The following WWOX variants were observed in gnomAD, a reference collection of about 807,000 sequenced individuals.
WWOX encodes WW domain containing oxidoreductase, also known as WW domain-containing oxidoreductase.
Under a neutral mutation model 46.2 loss-of-function variants are expected in WWOX, and 69 were observed. The ratio of observed to expected loss-of-function variants is 1.49; its 90% confidence interval spans 1.23 to 1.82. The LOEUF (loss-of-function observed/expected upper bound fraction) is 1.82. WWOX is among the 40% of genes most tolerant of loss of function. The pLI, the probability that WWOX is intolerant of heterozygous loss-of-function variation, is 0.00. For synonymous variants in WWOX, 359 were observed against 202.6 expected, an observed-to-expected ratio of 1.77 and a Z score of -6.56; for missense variants, 919 against 542.6, an observed-to-expected ratio of 1.69 and a Z score of -6.89.
intron 5 of WWOX, among the ~76,000 whole-genome samples, chr16:78,301,209 A>G (rs1266457302): frequency 1.3e-5 from 2 of 152,218 alleles, no homozygotes; most frequent in East Asian, 3.8e-4. Context: ...CTAGTCCATA[A>G]CAAGATTTAC....
chr16:78,977,621 TAGA>T (rs560025514), intron 8 of WWOX, among the ~76,000 whole-genome samples: 1 of 152,024 alleles, frequency 6.6e-6, no homozygotes, highest in Non-Finnish European at 1.5e-5. Context: ...GGAGAGGAGA[TAGA>T]AGAAGGAAAA....
intron 8 of WWOX, among the ~76,000 whole-genome samples, chr16:78,681,505 C>A (rs1162729276): frequency 7.0e-6 from 1 of 142,350 alleles, no homozygotes; most frequent in Non-Finnish European, 1.5e-5. Flanking sequence ...ATTATGACTT[C>A]AAAAAACAGG....
intron 8 of WWOX, among the ~76,000 whole-genome samples, chr16:78,711,280 A>G (rs2048439540): frequency 1.3e-5 from 2 of 152,328 alleles, no homozygotes; most frequent in South Asian, 4.1e-4. Flanking sequence ...GTTAAAAAAT[A>G]TCACTTTCCC....
intron 8 of WWOX, among the ~76,000 whole-genome samples, chr16:78,815,570 A>G (rs1407168105): frequency 6.6e-6 from 1 of 152,126 alleles, no homozygotes; most frequent in Non-Finnish European, 1.5e-5. Flanking sequence ...TCCTTGCCCA[A>G]TGCGTAAGCT....
chr16:78,103,610 C>G (rs1013151701), intron 1 of WWOX, among the ~76,000 whole-genome samples: 12 of 152,094 alleles, frequency 7.9e-5, no homozygotes, highest in African/African-American at 2.9e-4. Context: ...CATCCTGGCC[C>G]TTCTTTTCTT....
chr16:79,185,490 A>G (rs1006069702), intron 8 of WWOX, among the ~76,000 whole-genome samples: 1 of 56,268 alleles, frequency 1.8e-5, no homozygotes, highest in South Asian at 9.9e-4. Flanking sequence ...GTTAAAGGAG[A>G]TGTGACACCT....
At chr16:78,946,517 G>T (rs1385838790) in intron 8 of WWOX, among the ~76,000 whole-genome samples, 1 of 152,028 alleles carries the variant, frequency 6.6e-6, no homozygotes, top group Non-Finnish European at 1.5e-5. Flanking sequence ...AAATAGTCAA[G>T]AAGTTTCTAG....
In WWOX at chr16:79,001,567, T is replaced by A. The variant is rs144268165; in HGVS notation, c.1057-210041T>A. On this transcript the variant is annotated intron_variant, in intron 8 of 8. Transcript: ENST00000566780. ...AGATTATCCTCTCAGTTGGATTTATTTTAAACAAGTTTTGCCCCTTATACA... is the reference window on the plus strand; with the variant it reads ...AGATTATCCTCTCAGTTGGATTTATATTAAACAAGTTTTGCCCCTTATACA... 4.5e-3 allele frequency among the ~76,000 whole-genome samples: 681 copies of A among 152,284 alleles called. 8 individuals carry two copies. The highest frequency in any genetic ancestry group is 0.015 in the African/African-American group (631 of 41,546).
chr16:78,671,876 A>G (rs1217938994), intron 8 of WWOX, among the ~76,000 whole-genome samples: 4 of 152,240 alleles, frequency 2.6e-5, no homozygotes, highest in African/African-American at 9.6e-5. Flanking sequence ...CATCTTAAAA[A>G]GTGGTGAGGT....
At chr16:79,151,902 T>C (rs1181025622) in intron 8 of WWOX, among the ~76,000 whole-genome samples, 1 of 152,210 alleles carries the variant, frequency 6.6e-6, no homozygotes. Flanking sequence ...TCTTTTTTTG[T>C]TGTTTTAGCC....
intron 5 of WWOX, among the ~76,000 whole-genome samples, chr16:78,216,112 C>T (rs148348204): frequency 5.6e-4 from 85 of 152,244 alleles, no homozygotes; most frequent in African/African-American, 1.9e-3. Context: ...AGCATGGGCC[C>T]TGTGTGGACC....
chr16:78,870,719 A>G (rs768870258), intron 8 of WWOX, among the ~76,000 whole-genome samples: 2 of 152,168 alleles, frequency 1.3e-5, no homozygotes, highest in Non-Finnish European at 2.9e-5. Flanking sequence ...CTCCTGCCTC[A>G]GTCTCCCAAG....
At chr16:78,789,009 G>A (rs2050525841) in intron 8 of WWOX, among the ~76,000 whole-genome samples, 1 of 152,180 alleles carries the variant, frequency 6.6e-6, no homozygotes, top group African/African-American at 2.4e-5. Context: ...CTCTCATTCT[G>A]TGGGTAGTCT....
chr16:78,141,303 C>G (rs2033976626), intron 4 of WWOX, among the ~76,000 whole-genome samples: 1 of 152,052 alleles, frequency 6.6e-6, no homozygotes, highest in African/African-American at 2.4e-5. Context: ...GGTTCTGGGC[C>G]TCTGTCTGTT....
chr16:78,390,902 C>G (rs1303884479), intron 6 of WWOX, among the ~76,000 whole-genome samples: 1 of 152,162 alleles, frequency 6.6e-6, no homozygotes, highest in Non-Finnish European at 1.5e-5. Flanking sequence ...TGTGGATGCT[C>G]TTATTTAATA....
intron 8 of WWOX, among the ~76,000 whole-genome samples, chr16:78,450,984 T>C (rs556890141): frequency 9.2e-4 from 140 of 152,356 alleles, no homozygotes; most frequent in Non-Finnish European, 1.5e-3. Flanking sequence ...GTATGAAAAG[T>C]AGAATAATAT....
intron 8 of WWOX, among the ~76,000 whole-genome samples, chr16:78,583,733 A>G (rs989265154): frequency 5.9e-5 from 9 of 152,172 alleles, no homozygotes; most frequent in Admixed American, 4.6e-4. Context: ...GGTAATCTAG[A>G]GGGTTTTGAG....
intron 8 of WWOX, among the ~76,000 whole-genome samples, chr16:78,508,536 T>C (rs2085275103): frequency 6.6e-6 from 1 of 152,154 alleles, no homozygotes; most frequent in African/African-American, 2.4e-5. Context: ...GAGTGTTCTC[T>C]AGACCTCACA....
intron 8 of WWOX, among the ~76,000 whole-genome samples, chr16:79,149,493 C>T (rs1392863795): frequency 6.6e-6 from 1 of 152,126 alleles, no homozygotes; most frequent in African/African-American, 2.4e-5. Context: ...GTTTAGTGCC[C>T]AACAAGGAAA....
Sources: allele counts gnomAD v4.1 joint callset (sites outside exome capture counted in the v4.1 genomes callset), GRCh38; gene constraint gnomAD v4.1.1; transcripts MANE v1.5; gene names NCBI Gene and HGNC (gene_info 2026-07-23, HGNC 2026-07-21).